Variants in CHRM5 observed in about 807,000 individuals in gnomAD.
The protein encoded by CHRM5 is muscarinic acetylcholine receptor M5.
In CHRM5, 18 loss-of-function variants were observed where a neutral mutation model predicts 39.0. The observed-to-expected ratio is 0.46, with a 90% CI of 0.32 to 0.68. The LOEUF is 0.68. Among genes scored for constraint, CHRM5 ranks in the 30% least tolerant of loss-of-function variants. CHRM5 has a pLI of 0.04. For synonymous variants in CHRM5, 241 were observed against 246.3 expected (o/e 0.98, Z 0.20); for missense variants, 515 against 651.1 (o/e 0.79, Z 2.28).
intron 1 of CHRM5, among the ~76,000 whole-genome samples, chr15:34,027,959 G>A (rs2632076): frequency 2.6e-5 from 4 of 152,080 alleles, no homozygotes; most frequent in South Asian, 2.1e-4. Flanking sequence ...GTGGTCATGC[G>A]CAGAAAAGAT....
At chr15:34,038,548 ACT>A (rs1567482757) in intron 1 of CHRM5, among the ~76,000 whole-genome samples, 1 of 146,632 alleles carries the variant, frequency 6.8e-6, no homozygotes, top group Non-Finnish European at 1.5e-5. Flanking sequence ...TCCTACCCCC[ACT>A]GTCTCGCGCC....
chr15:34,050,368 G>T (rs984932139), intron 2 of CHRM5, among the ~76,000 whole-genome samples: 2 of 152,174 alleles, frequency 1.3e-5, no homozygotes, highest in African/African-American at 4.8e-5. Context: ...AATATGGAAA[G>T]AAAACCCGTT....
At position 34,064,586 on chromosome 15, in the gene CHRM5, C is replaced by A; in HGVS notation, c.*270C>A. 1 of 453,936 alleles carries A rather than the reference C, an allele frequency of 2.2e-6. No individual in the cohort carries two copies. Among genetic ancestry groups the A allele is most frequent in the South Asian group, 3.5e-5 (1 of 28,946 alleles). 28.1% of individuals were successfully genotyped at this position (453,936 alleles called of 1,614,324 possible). ...GTAAAGGGATAGGCTCATGGCCCTT[C>A]ACAAGAGGAAGCACACTGGGTAACA... On this transcript the variant is annotated 3_prime_UTR_variant, in exon 3 of 3. Transcript: ENST00000383263.
chr15:34,046,159 T>C (rs1010136580), intron 1 of CHRM5, among the ~76,000 whole-genome samples: 1 of 152,172 alleles, frequency 6.6e-6, no homozygotes, highest in Non-Finnish European at 1.5e-5. Context: ...TAATCAATGA[T>C]TTAAGAAGTT....
intron 1 of CHRM5, among the ~76,000 whole-genome samples, chr15:34,025,827 A>G (rs1325960816): frequency 6.6e-6 from 1 of 152,018 alleles, no homozygotes; most frequent in African/African-American, 2.4e-5. Context: ...CAGGCACTGG[A>G]CCTGTCCAAA....
At chr15:34,011,456 C>T (rs1251780143) in intron 1 of CHRM5, among the ~76,000 whole-genome samples, 1 of 152,036 alleles carries the variant, frequency 6.6e-6, no homozygotes, top group Non-Finnish European at 1.5e-5. Context: ...CTCTTGATCC[C>T]AGAACAATGT....
intron 1 of CHRM5, chr15:34,018,089 G>C (rs1188588236): frequency 6.6e-6 from 1 of 152,128 alleles, no homozygotes; most frequent in Non-Finnish European, 1.5e-5. Context: ...CATTATTTTA[G>C]AGTACAGTCA....
At chr15:34,010,138 A>G (rs917252981) in intron 1 of CHRM5, among the ~76,000 whole-genome samples, 1 of 152,194 alleles carries the variant, frequency 6.6e-6, no homozygotes, top group Admixed American at 6.5e-5. Context: ...CTGACTAGAC[A>G]AAAGGAACCA....
In CHRM5 at chr15:34,026,291, C is replaced by T. The variant is rs189120558; in HGVS notation, c.-407-20249C>T. Among the ~76,000 whole-genome samples, 114 of 152,130 alleles carry T rather than the reference C, an allele frequency of 7.5e-4. 1 individual carries two copies. The highest frequency in any genetic ancestry group is 6.6e-3 in the Admixed American group (101 of 15,264). ...TTCTGGATGATGATACTAAAGGGCA[C>T]TTTTATTTTCTTCTTGGTATTTTTC... On this transcript the variant is annotated intron_variant, in intron 1 of 2. Coordinates refer to ENST00000383263, the MANE Select transcript of CHRM5 (RefSeq NM_012125.4).
intron 1 of CHRM5, among the ~76,000 whole-genome samples, chr15:33,988,689 C>A (rs1382637725): frequency 6.6e-6 from 1 of 152,180 alleles, no homozygotes; most frequent in Non-Finnish European, 1.5e-5. Flanking sequence ...GCTCACTTAA[C>A]ACACAAGTAA....
intron 1 of CHRM5, chr15:34,006,999 A>G: frequency 1.1e-6 from 1 of 899,640 alleles, no homozygotes; most frequent in Non-Finnish European, 1.3e-6. Flanking sequence ...TTTCATATAA[A>G]TATTGTTACA....
At chr15:33,985,176 A>G (rs11856529) in intron 1 of CHRM5, among the ~76,000 whole-genome samples, 63,478 of 151,680 alleles carry the variant, frequency 0.42, 13,749 homozygotes, top group Middle Eastern at 0.53. Context: ...CTAACAGGTT[A>G]GCCTGTTACT....
chr15:33,975,384 T>C (rs532629376), intron 1 of CHRM5, among the ~76,000 whole-genome samples: 3 of 152,346 alleles, frequency 2.0e-5, no homozygotes, highest in East Asian at 1.9e-4. Context: ...TACTTAGCTA[T>C]GCGGAATGCT....
chr15:34,018,451 C>G (rs1180886047), intron 1 of CHRM5: 1 of 151,256 alleles, frequency 6.6e-6, no homozygotes, highest in Non-Finnish European at 1.5e-5. Context: ...AGAAGTGAAG[C>G]CACATACCTT....
chr15:33,970,141 T>C (rs1895571655), intron 1 of CHRM5, among the ~76,000 whole-genome samples: 1 of 151,984 alleles, frequency 6.6e-6, no homozygotes. Flanking sequence ...GGAGATCTTG[T>C]GGTAATATAC....
chr15:34,004,899 A>G (rs1180606715), intron 1 of CHRM5, among the ~76,000 whole-genome samples: 2 of 152,166 alleles, frequency 1.3e-5, no homozygotes, highest in Non-Finnish European at 2.9e-5. Context: ...AACATTACAA[A>G]ATCCTTATCA....
At chr15:34,042,218 T>G (rs923662416) in intron 1 of CHRM5, among the ~76,000 whole-genome samples, 1 of 152,154 alleles carries the variant, frequency 6.6e-6, no homozygotes, top group Admixed American at 6.5e-5. Context: ...TGGTATTGCT[T>G]TTGCTTGATA....
At chr15:34,062,531 G>A in intron 2 of CHRM5, 112 bp from the exon 3 acceptor site, 1 of 574,466 alleles carries the variant, frequency 1.7e-6, no homozygotes, top group Non-Finnish European at 2.9e-6. Context: ...CTCCAGCCTG[G>A]GTGACAAAGC....
intron 1 of CHRM5, chr15:34,007,006 T>A: frequency 1.1e-6 from 1 of 938,226 alleles, no homozygotes; most frequent in South Asian, 4.9e-5. Context: ...TAAATATTGT[T>A]ACAAAATTAG....
Sources: allele counts gnomAD v4.1 joint callset (sites outside exome capture counted in the v4.1 genomes callset), GRCh38; gene constraint gnomAD v4.1.1; transcripts MANE v1.5; gene names NCBI Gene and HGNC (gene_info 2026-07-23, HGNC 2026-07-21).